DNAI2: variants seen among roughly 807,000 people sequenced by gnomAD.
The protein encoded by DNAI2 is dynein axonemal intermediate chain 2.
Under a neutral mutation model 74.7 loss-of-function variants are expected in DNAI2, and 63 were observed. The observed-to-expected ratio is 0.84, with a 90% CI of 0.69 to 1.04. DNAI2 has a LOEUF of 1.04. Among genes scored for constraint, DNAI2 ranks in the 50% least tolerant of loss-of-function variants. The probability of loss-of-function intolerance (pLI) is 0.00; values close to 1 mark genes in which losing one functional copy is unlikely to be tolerated. For missense variants in DNAI2, 688 were observed against 803.2 expected, an observed-to-expected ratio of 0.86 and a Z score of 1.73; for synonymous variants, 289 against 314.9, an observed-to-expected ratio of 0.92 and a Z score of 0.87.
intron 10 of DNAI2, 105 bp downstream of exon 10, chr17:74,309,493 G>GT (rs1424703218): frequency 6.6e-7 from 1 of 1,513,052 alleles, no homozygotes; most frequent in African/African-American, 1.4e-5. Flanking sequence ...GTGTGGCCAG[G>GT]TGTGTTTGGG....
chr17:74,311,322 CT>C (rs1310922779), intron 11 of DNAI2, among the ~76,000 whole-genome samples: 2 of 152,250 alleles, frequency 1.3e-5, no homozygotes, highest in East Asian at 3.9e-4. Context: ...CTGAAAACCC[CT>C]AGTGCTAGGG....
intron 3 of DNAI2, among the ~76,000 whole-genome samples, chr17:74,285,552 G>A (rs926891182): frequency 4.6e-5 from 7 of 151,598 alleles, no homozygotes; most frequent in African/African-American, 1.7e-4. Flanking sequence ...AGTAGAGGTT[G>A]CAAAATGAAT....
chr17:74,294,295 T>G (rs1159659232), intron 6 of DNAI2, among the ~76,000 whole-genome samples: 2 of 133,586 alleles, frequency 1.5e-5, no homozygotes, highest in African/African-American at 2.6e-5. Flanking sequence ...TCCCTTATCA[T>G]TTCTTTTTTT....
At chr17:74,309,180 A>G in intron 9 of DNAI2, 73 bp from the exon 10 acceptor site, 1 of 1,566,388 alleles carries the variant, frequency 6.4e-7, no homozygotes, top group Admixed American at 1.7e-5. Flanking sequence ...GGAGCCCAGA[A>G]GGGACCAAGT....
chr17:74,285,642 A>T (rs1212223018), intron 3 of DNAI2, among the ~76,000 whole-genome samples: 3 of 152,254 alleles, frequency 2.0e-5, no homozygotes, highest in Non-Finnish European at 4.4e-5. Context: ...TTTAAATTAA[A>T]AGAAAAAGAA....
At chr17:74,293,476 G>A (rs535427514) in intron 6 of DNAI2, among the ~76,000 whole-genome samples, 1 of 151,930 alleles carries the variant, frequency 6.6e-6, no homozygotes, top group Admixed American at 6.6e-5. Flanking sequence ...AGCCCTCTTT[G>A]GTTACCATTT....
rs755223435 is a variant in DNAI2 at position 74,291,129 on chromosome 17, G to A, written c.720G>A (p.Gln240=). The change falls in exon 6 of 14, where the codon CAG becomes CAA. Residue 240 remains glutamine (Q), a synonymous_variant. Transcript: ENST00000311014. ...TCCTGGGTGGCTGCTACAATGGACAGATAGGTAAGGAGGGACCTAGGCTTT... is the reference window on the plus strand; with the variant it reads ...TCCTGGGTGGCTGCTACAATGGACAAATAGGTAAGGAGGGACCTAGGCTTT... ...HVLLGGCYNG[Q]IACWDTRKGS... 39 of 1,607,622 alleles carry A rather than the reference G, an allele frequency of 2.4e-5. No individual in the cohort carries two copies. The highest frequency in any genetic ancestry group is 3.3e-5 in the Non-Finnish European group (39 of 1,174,194).
chr17:74,282,698 G>A (rs758209243), intron 2 of DNAI2, among the ~76,000 whole-genome samples: 3 of 152,212 alleles, frequency 2.0e-5, no homozygotes, highest in Non-Finnish European at 2.9e-5. Flanking sequence ...AGCCAGAGGG[G>A]CCTCCACGAT....
Position 74,285,061 on chromosome 17 carries a change from A to G in DNAI2, c.205A>G (p.Met69Val), listed in dbSNP as rs2051630443. ...TTAGGCCAACTCAGAGCGGTTTGAG[A>G]TGGAGACCCGGGGAGTTAACCATGT... Reference protein sequence around the residue: ...EHEANSERFEMETRGVNHVEG... With the variant: ...EHEANSERFEVETRGVNHVEG... Residue 69 changes from methionine (M) to valine (V), a missense_variant, in exon 3 of 14, where the codon ATG becomes GTG. Coordinates refer to ENST00000311014, the MANE Select transcript of DNAI2 (RefSeq NM_023036.6). 1 of 1,614,162 alleles carries G rather than the reference A, an allele frequency of 6.2e-7. No homozygotes were observed. The highest frequency in any genetic ancestry group is 8.5e-7 in the Non-Finnish European group (1 of 1,180,022).
intron 8 of DNAI2, among the ~76,000 whole-genome samples, chr17:74,303,246 C>T (rs766478722): frequency 2.0e-5 from 3 of 152,128 alleles, no homozygotes; most frequent in Non-Finnish European, 2.9e-5. Flanking sequence ...AGGGCTCCAA[C>T]TCTGAGGCCC....
rs1298708390 is a variant in DNAI2 at position 74,287,014 on chromosome 17, A to G, written c.383A>G (p.Asp128Gly). 5.0e-6 allele frequency: 8 copies of G among 1,613,888 alleles called. No homozygotes were observed. Among genetic ancestry groups the G allele is most frequent in the Non-Finnish European group, 6.8e-6 (8 of 1,179,840 alleles). Residue 128 changes from aspartate (D) to glycine (G), a missense_variant, in exon 4 of 14, where the codon GAC becomes GGC. Asp to Gly is a moderately conservative substitution (Grantham distance 94). Coordinates refer to ENST00000311014, the MANE Select transcript of DNAI2 (RefSeq NM_023036.6). ...TGCATCAAGCAGAACAATGCCATTG[A>G]CATCTATGAAGAGTATTTCAATGAC... ...EHCIKQNNAI[D>G]IYEEYFNDEE...
At chr17:74,309,060 CAAAAA>C (rs549880425) in intron 9 of DNAI2, among the ~76,000 whole-genome samples, 188 bp from the exon 10 acceptor site, 1 of 53,786 alleles carries the variant, frequency 1.9e-5, no homozygotes, top group East Asian at 6.4e-4. Context: ...AAGAGTGTCT[CAAAAA>C]AAAAAAAAAA....
rs1034801864 is a variant in DNAI2, at chr17:74,294,109, T to G, written c.724+2976T>G. ...GGATCGTGGTTTTTTCCTTTTAATCTATTCTATCTATCTCTGGTTTTAAGT... is the reference window on the plus strand; with the variant it reads ...GGATCGTGGTTTTTTCCTTTTAATCGATTCTATCTATCTCTGGTTTTAAGT... On this transcript the variant is annotated intron_variant, in intron 6 of 13. Coordinates refer to ENST00000311014, the MANE Select transcript of DNAI2 (RefSeq NM_023036.6). Among the ~76,000 whole-genome samples the G allele has an allele frequency of 2.0e-5, 3 of 151,800 alleles. No homozygotes were observed. In the East Asian group the frequency reaches 5.9e-4, roughly 30 times the overall value.
At chr17:74,282,188 A>T (rs1373710023) in intron 2 of DNAI2, among the ~76,000 whole-genome samples, 188 bp downstream of exon 2, 1 of 152,126 alleles carries the variant, frequency 6.6e-6, no homozygotes, top group Non-Finnish European at 1.5e-5. Flanking sequence ...TCAGAGGAAG[A>T]CCCAGCACCC....
chr17:74,286,917 C>T, intron 3 of DNAI2, 60 bp from the exon 4 acceptor site: 1 of 1,610,746 alleles, frequency 6.2e-7, no homozygotes, highest in Non-Finnish European at 8.5e-7. Context: ...CCATTGCAGG[C>T]CTGGGCAATC....
At chr17:74,279,120 T>A (rs1198834075) in intron 1 of DNAI2, among the ~76,000 whole-genome samples, 2 of 151,940 alleles carry the variant, frequency 1.3e-5, no homozygotes, top group African/African-American at 4.8e-5. Flanking sequence ...TGAGCTGAGA[T>A]CGTGCCACTG....
At chr17:74,291,894 C>T (rs918033710) in intron 6 of DNAI2, among the ~76,000 whole-genome samples, 7 of 149,994 alleles carry the variant, frequency 4.7e-5, no homozygotes, top group Non-Finnish European at 8.9e-5. Context: ...GATGGAGTCT[C>T]GCTCTGTCGC....
At chr17:74,285,654 C>A (rs909469138) in intron 3 of DNAI2, among the ~76,000 whole-genome samples, 1 of 151,982 alleles carries the variant, frequency 6.6e-6, no homozygotes, top group Non-Finnish European at 1.5e-5. Context: ...GAAAAAGAAT[C>A]TCTTATACAT....
chr17:74,286,493 T>A (rs181777228), intron 3 of DNAI2, among the ~76,000 whole-genome samples: 1 of 151,916 alleles, frequency 6.6e-6, no homozygotes, highest in African/African-American at 2.4e-5. Context: ...TGATCTTGGG[T>A]CTCTGCAATC....
Sources: gnomAD v4.1 joint callset for allele counts (sites outside exome capture counted in the v4.1 genomes callset) on GRCh38, gnomAD v4.1.1 for gene constraint, MANE v1.5 for transcripts, NCBI Gene and HGNC (gene_info 2026-07-23, HGNC 2026-07-21) for gene names.